CSMD1: variants seen among roughly 807,000 people sequenced by gnomAD.
CSMD1 encodes the protein CUB and Sushi multiple domains 1.
A neutral mutation model predicts 417.5 loss-of-function variants in CSMD1; 213 were observed. That is an observed-to-expected ratio of 0.51 (90% confidence interval 0.46 to 0.57). The LOEUF is 0.57. Ranked by LOEUF, CSMD1 falls within the 20% of genes least tolerant of loss-of-function variation. The pLI is 0.00. For missense variants in CSMD1, 6,923 were observed against 4,529.7 expected (o/e 1.53, Z -15.17); for synonymous variants, 2,862 against 1,736.8 (o/e 1.65, Z -16.11).
intron 3 of CSMD1, among the ~76,000 whole-genome samples, chr8:4,070,907 T>G: frequency 6.6e-6 from 1 of 152,240 alleles, no homozygotes; most frequent in East Asian, 1.9e-4. Flanking sequence ...CTTTTAGCAC[T>G]TTAATGATGT....
intron 1 of CSMD1, among the ~76,000 whole-genome samples, chr8:4,911,200 G>T (rs767424691): frequency 6.6e-6 from 1 of 152,180 alleles, no homozygotes. Flanking sequence ...GCACATTAAA[G>T]ATTTTGGCTT....
intron 3 of CSMD1, among the ~76,000 whole-genome samples, chr8:4,291,959 C>T (rs981347915): frequency 6.6e-6 from 1 of 152,122 alleles, no homozygotes; most frequent in African/African-American, 2.4e-5. Flanking sequence ...GCCTGGTGTC[C>T]AGAAGGAATT....
At chr8:4,564,202 A>G (rs1798481170) in intron 2 of CSMD1, among the ~76,000 whole-genome samples, 1 of 152,190 alleles carries the variant, frequency 6.6e-6, no homozygotes, top group Admixed American at 6.6e-5. Flanking sequence ...ATTTTTCTTC[A>G]CTTCCTTCCC....
chr8:4,713,759 T>C (rs1284012833), intron 1 of CSMD1, among the ~76,000 whole-genome samples: 1 of 152,140 alleles, frequency 6.6e-6, no homozygotes, highest in Non-Finnish European at 1.5e-5. Context: ...CACGGACAGG[T>C]AAGTTCTGAG....
At chr8:4,119,575 A>G (rs1047811373) in intron 3 of CSMD1, among the ~76,000 whole-genome samples, 1 of 111,710 alleles carries the variant, frequency 9.0e-6, no homozygotes, top group South Asian at 3.7e-4. Context: ...ACCAGAGGAT[A>G]ATAGTAGTGT....
At chr8:3,124,562 G>C (rs1695414515) in intron 41 of CSMD1, among the ~76,000 whole-genome samples, 2 of 152,128 alleles carry the variant, frequency 1.3e-5, no homozygotes, top group African/African-American at 4.8e-5. Context: ...TCAGTGTCTG[G>C]GATAAGGGGA....
chr8:4,232,877 A>G lies in CSMD1; in HGVS notation c.415+187076T>C, dbSNP rs183489833. Among the ~76,000 whole-genome samples, 89 of 152,282 alleles carry G rather than the reference A, an allele frequency of 5.8e-4. 3 individuals are homozygous for G. The highest frequency in any genetic ancestry group is 1.9e-3 in the African/African-American group (81 of 41,576). On this transcript the variant is annotated intron_variant, in intron 3 of 69. Coordinates refer to ENST00000635120, the MANE Select transcript of CSMD1 (RefSeq NM_033225.6). ...TTTATTTTAGGGGCAACAATCTTGA[A>G]TAAGTGTAAAAGGAGGAAAAGGATA...
intron 1 of CSMD1, among the ~76,000 whole-genome samples, chr8:4,969,369 G>C (rs930033995): frequency 6.6e-6 from 1 of 151,818 alleles, no homozygotes; most frequent in Non-Finnish European, 1.5e-5. Context: ...TTGTACCCCA[G>C]ATAAAACGAG....
intron 52 of CSMD1, among the ~76,000 whole-genome samples, chr8:3,005,819 T>C (rs962448809): frequency 1.3e-5 from 2 of 152,134 alleles, no homozygotes; most frequent in Non-Finnish European, 2.9e-5. Context: ...AATATCATAC[T>C]GAATGGGCAA....
chr8:4,197,553 G>T (rs748850990), intron 3 of CSMD1, among the ~76,000 whole-genome samples: 1 of 152,080 alleles, frequency 6.6e-6, no homozygotes, highest in African/African-American at 2.4e-5. Flanking sequence ...TAAAACACTG[G>T]TTCTATTTCT....
At chr8:3,378,385 C>T (rs1049948937) in intron 18 of CSMD1, among the ~76,000 whole-genome samples, 3 of 152,152 alleles carry the variant, frequency 2.0e-5, no homozygotes, top group African/African-American at 7.2e-5. Flanking sequence ...GGACTCCTCC[C>T]TAACTCATTT....
chr8:4,149,178 G>A (rs1474950030), intron 3 of CSMD1, among the ~76,000 whole-genome samples: 3 of 152,118 alleles, frequency 2.0e-5, no homozygotes, highest in East Asian at 3.9e-4. Context: ...TGGCTAGGCT[G>A]GTCTCGAACT....
chr8:4,343,386 A>C (rs948264634), intron 3 of CSMD1, among the ~76,000 whole-genome samples: 6 of 152,054 alleles, frequency 3.9e-5, no homozygotes, highest in African/African-American at 1.2e-4. Flanking sequence ...TTCTCTTGCT[A>C]AGAGAGCTGA....
intron 50 of CSMD1, among the ~76,000 whole-genome samples, chr8:3,033,990 C>T (rs917875220): frequency 1.3e-5 from 2 of 152,150 alleles, no homozygotes; most frequent in Non-Finnish European, 2.9e-5. Context: ...CAGACCACCC[C>T]CTAGTCGGGC....
chr8:4,227,828 C>T (rs1801450790), intron 3 of CSMD1, among the ~76,000 whole-genome samples: 1 of 150,808 alleles, frequency 6.6e-6, no homozygotes. Flanking sequence ...GAGACATACT[C>T]TCCATCCTGC....
intron 5 of CSMD1, among the ~76,000 whole-genome samples, chr8:3,891,686 A>G (rs1806983909): frequency 1.0e-5 from 1 of 97,182 alleles, no homozygotes; most frequent in Admixed American, 1.4e-4. Flanking sequence ...TTGTCTCAAA[A>G]CGAAAAAAAA....
At chr8:4,788,331 G>A (rs771592617) in intron 1 of CSMD1, 1 of 1,554,494 alleles carries the variant, frequency 6.4e-7, no homozygotes, top group Non-Finnish European at 8.8e-7. Context: ...AGTGATGTCT[G>A]GGAACACTGC....
chr8:3,616,535 A>G (rs1474518679), intron 8 of CSMD1, among the ~76,000 whole-genome samples, 175 bp downstream of exon 8: 1 of 152,192 alleles, frequency 6.6e-6, no homozygotes, highest in Non-Finnish European at 1.5e-5. Context: ...TTAACAGATT[A>G]TAAACAAAAA....
At chr8:4,400,825 G>C (rs1186185117) in intron 3 of CSMD1, among the ~76,000 whole-genome samples, 2 of 150,390 alleles carry the variant, frequency 1.3e-5, no homozygotes, top group Non-Finnish European at 2.9e-5. Flanking sequence ...GGATTATTAG[G>C]GCATTTGAAG....
Sources: allele counts gnomAD v4.1 joint callset (sites outside exome capture counted in the v4.1 genomes callset), GRCh38; gene constraint gnomAD v4.1.1; transcripts MANE v1.5; gene names NCBI Gene and HGNC (gene_info 2026-07-23, HGNC 2026-07-21).